TTC27: variants seen among roughly 807,000 people sequenced by gnomAD.
The protein encoded by TTC27 is tetratricopeptide repeat domain 27, also known as tetratricopeptide repeat protein 27.
TTC27 carries 79 observed loss-of-function variants against 115.9 expected under a neutral mutation model. The observed-to-expected ratio is 0.68, with a 90% CI of 0.57 to 0.82. TTC27 has a LOEUF of 0.82. Ranked by LOEUF, TTC27 falls within the 40% of genes least tolerant of loss-of-function variation. The pLI is 0.00. For missense variants in TTC27, 1,054 were observed against 993.1 expected (o/e 1.06, Z -0.82); for synonymous variants, 401 against 356.0 (o/e 1.13, Z -1.42).
At chr2:32,745,120 C>G (rs1015357140) in intron 12 of TTC27, among the ~76,000 whole-genome samples, 2 of 145,220 alleles carry the variant, frequency 1.4e-5, no homozygotes, top group Non-Finnish European at 3.0e-5. Context: ...AGTTGGAAGT[C>G]TATAGACTAG....
chr2:32,751,490 G>C (rs986187940), intron 12 of TTC27, among the ~76,000 whole-genome samples: 1 of 151,964 alleles, frequency 6.6e-6, no homozygotes, highest in Non-Finnish European at 1.5e-5. Flanking sequence ...CTAATTCACT[G>C]TACACTCACA....
At chr2:32,814,541 G>A (rs1212441318) in intron 18 of TTC27, among the ~76,000 whole-genome samples, 4 of 152,158 alleles carry the variant, frequency 2.6e-5, no homozygotes, top group Non-Finnish European at 5.9e-5. Context: ...TCAAAACATT[G>A]TTCCTCCACC....
intron 9 of TTC27, among the ~76,000 whole-genome samples, chr2:32,682,848 T>TTTTTC: frequency 1.1e-5 from 1 of 94,440 alleles, no homozygotes; most frequent in Non-Finnish European, 2.0e-5. Flanking sequence ...TTTATTGTTG[T>TTTTTC]TTTTTTTTTT....
At chr2:32,814,201 T>C (rs1473944522) in intron 18 of TTC27, among the ~76,000 whole-genome samples, 1 of 152,234 alleles carries the variant, frequency 6.6e-6, no homozygotes, top group Non-Finnish European at 1.5e-5. Context: ...GTATTAAACC[T>C]GTCAAAGAGA....
At chr2:32,775,283 C>T (rs1669956027) in intron 13 of TTC27, among the ~76,000 whole-genome samples, 2 of 152,266 alleles carry the variant, frequency 1.3e-5, no homozygotes, top group South Asian at 4.1e-4. Flanking sequence ...CTGCAAGCTC[C>T]ACCTCCTGGG....
intron 13 of TTC27, among the ~76,000 whole-genome samples, chr2:32,764,813 A>G (rs747310087): frequency 6.6e-6 from 1 of 152,224 alleles, no homozygotes; most frequent in South Asian, 2.1e-4. Context: ...ACGAGGAACA[A>G]ATTCCATCTC....
intron 9 of TTC27, 92 bp downstream of exon 9, chr2:32,679,014 C>T (rs1666327737): frequency 3.8e-6 from 4 of 1,062,798 alleles, no homozygotes; most frequent in Non-Finnish European, 4.2e-6. Context: ...TATGTTGAAA[C>T]ACTGCCACCT....
chr2:32,772,462 G>C (rs1004352342), intron 13 of TTC27, among the ~76,000 whole-genome samples: 4 of 152,154 alleles, frequency 2.6e-5, no homozygotes, highest in African/African-American at 9.7e-5. Flanking sequence ...GTGCAAAAAT[G>C]ATACATTTTC....
chr2:32,808,990 A>C (rs3769567), intron 16 of TTC27, among the ~76,000 whole-genome samples: 95,812 of 152,110 alleles, frequency 0.63, 30,798 homozygotes, highest in African/African-American at 0.76. Flanking sequence ...TCATTACTTT[A>C]AGAGTCAAAG....
At chr2:32,666,359 C>CTTTTT (rs35023187) in intron 6 of TTC27, among the ~76,000 whole-genome samples, 1 of 136,534 alleles carries the variant, frequency 7.3e-6, no homozygotes. Flanking sequence ...CAATGTGTTA[C>CTTTTT]TTTTTTTTTT....
intron 16 of TTC27, among the ~76,000 whole-genome samples, chr2:32,802,982 C>T (rs57970270): frequency 0.016 from 2,375 of 152,222 alleles, 53 homozygotes; most frequent in African/African-American, 0.051. Context: ...CCTGTTGGCT[C>T]GTATTTCCCT....
intron 3 of TTC27, 95 bp from the exon 4 acceptor site, chr2:32,640,175 C>G: frequency 8.3e-7 from 1 of 1,199,494 alleles, no homozygotes; most frequent in Non-Finnish European, 1.2e-6. Flanking sequence ...TGTTTCAAAG[C>G]TGAGTTGACT....
chr2:32,678,061 G>A (rs1340317923), intron 8 of TTC27, among the ~76,000 whole-genome samples: 2 of 152,032 alleles, frequency 1.3e-5, no homozygotes, highest in Admixed American at 6.6e-5. Flanking sequence ...TTCAAGACCA[G>A]CCTGGACAAC....
At chr2:32,706,375 G>A (rs1339604947) in intron 10 of TTC27, among the ~76,000 whole-genome samples, 2 of 151,784 alleles carry the variant, frequency 1.3e-5, no homozygotes, top group African/African-American at 2.4e-5. Context: ...GAGTCACTGC[G>A]CCTGGCCTAT....
intron 10 of TTC27, among the ~76,000 whole-genome samples, chr2:32,719,414 A>T (rs1044428517): frequency 6.6e-6 from 1 of 152,192 alleles, no homozygotes; most frequent in Non-Finnish European, 1.5e-5. Context: ...CTATATGGGA[A>T]ACTTATATTA....
rs376857578 is a variant in TTC27, at chr2:32,653,314, A to C, written c.640+3081A>C. Among the ~76,000 whole-genome samples, 289 of 152,222 alleles carry C rather than the reference A, an allele frequency of 1.9e-3. 5 individuals carry two copies. The highest frequency in any genetic ancestry group is 7.9e-3 in the South Asian group (38 of 4,822). ...ACGTTGAAAGAGTGTTCAAAAAAAC[A>C]GTCTCCACGGTGGCTCATGCCTGTA... is the stretch of plus-strand genomic sequence containing the variant. On this transcript the variant is annotated intron_variant, in intron 5 of 19. Coordinates refer to ENST00000317907, the MANE Select transcript of TTC27 (RefSeq NM_017735.5).
chr2:32,637,813 A>G (rs1345356645), intron 3 of TTC27, among the ~76,000 whole-genome samples: 1 of 152,200 alleles, frequency 6.6e-6, no homozygotes, highest in Non-Finnish European at 1.5e-5. Context: ...TATTCACTGT[A>G]CATTCAGTAC....
chr2:32,772,909 A>C (rs928096901), intron 13 of TTC27, among the ~76,000 whole-genome samples: 6 of 152,006 alleles, frequency 3.9e-5, no homozygotes, highest in African/African-American at 9.7e-5. Context: ...CTTATTTCAC[A>C]CTTGGGGAAC....
chr2:32,707,550 G>C (rs1360223531), intron 10 of TTC27, among the ~76,000 whole-genome samples: 2 of 151,980 alleles, frequency 1.3e-5, no homozygotes, highest in African/African-American at 4.8e-5. Flanking sequence ...TCTACTTTTT[G>C]ATCTTTTTGT....
Sources: gnomAD v4.1 joint callset for allele counts (sites outside exome capture counted in the v4.1 genomes callset) on GRCh38, gnomAD v4.1.1 for gene constraint, MANE v1.5 for transcripts, NCBI Gene and HGNC (gene_info 2026-07-23, HGNC 2026-07-21) for gene names.